The following COL6A1 variants were observed in gnomAD, a reference collection of about 807,000 sequenced individuals.
The protein encoded by COL6A1 is collagen alpha-1(VI) chain.
In COL6A1, 80 loss-of-function variants were observed where a neutral mutation model predicts 145.6. The ratio of observed to expected loss-of-function variants is 0.55; its 90% confidence interval spans 0.46 to 0.66. The LOEUF (loss-of-function observed/expected upper bound fraction) is 0.66. COL6A1 is among the 30% of genes least tolerant of loss of function. The probability of loss-of-function intolerance (pLI) is 0.00; values close to 1 mark genes in which losing one functional copy is unlikely to be tolerated. For missense variants in COL6A1, 1,364 were observed against 1,473.8 expected (o/e 0.93, Z 1.22); for synonymous variants, 638 against 622.8 (o/e 1.02, Z -0.36).
chr21:46,003,550 T>C lies in COL6A1; in HGVS notation c.2624T>C (p.Val875Ala), dbSNP rs2077861859. The C allele has an allele frequency of 6.2e-7, 1 of 1,612,014 alleles. No individual in the cohort carries two copies. The highest frequency in any genetic ancestry group is 2.2e-5 in the East Asian group (1 of 44,830). ...TDPAHDVRVA[V>A]VQYSGTGQQR... ...CCCGCCCACGACGTGCGGGTGGCGG[T>C]GGTGCAGTACAGCGGCACGGGCCAG... The change falls in exon 35 of 35, where the codon GTG becomes GCG. Residue 875 changes from valine (V) to alanine (A), a missense_variant. Physicochemically the swap from Val to Ala is moderately conservative, Grantham distance 64. Transcript: ENST00000361866.
intron 20 of COL6A1, among the ~76,000 whole-genome samples, chr21:45,996,258 C>G (rs2077804036): frequency 6.6e-6 from 1 of 152,246 alleles, no homozygotes; most frequent in African/African-American, 2.4e-5. Context: ...GGGTACCAGA[C>G]TAACCCCTGT....
intron 9 of COL6A1, among the ~76,000 whole-genome samples, 194 bp downstream of exon 9, chr21:45,989,331 C>T (rs2077760528): frequency 6.6e-6 from 1 of 152,206 alleles, no homozygotes; most frequent in South Asian, 2.1e-4. Flanking sequence ...GCCCGTAAGC[C>T]CCCCTGCCAG....
chr21:45,996,218 C>T (rs1176087815), intron 20 of COL6A1, among the ~76,000 whole-genome samples: 1 of 152,364 alleles, frequency 6.6e-6, no homozygotes, highest in Middle Eastern at 3.4e-3. Flanking sequence ...CCTCCTGGCC[C>T]CCTTTTCGTG....
chr21:45,993,638 G>C (rs956714305), intron 19 of COL6A1, among the ~76,000 whole-genome samples: 5 of 152,296 alleles, frequency 3.3e-5, no homozygotes, highest in East Asian at 3.9e-4. Flanking sequence ...GCTCCCCAGT[G>C]GGGGGTGGGG....
chr21:46,003,785 T>C lies in COL6A1; in HGVS notation c.2859T>C (p.Ala953=). ...GCAACTCGCAGGGCGCCACGCCCGC[T>C]GCCATCGAGAAGGCCGTGCAGGAAG... The part of the protein sequence containing the change: ...SDGNSQGATP[A]AIEKAVQEAQ... The change falls in exon 35 of 35, where the codon GCT becomes GCC. Residue 953 remains alanine (A), a synonymous_variant. Transcript: ENST00000361866. 1 of 1,611,594 alleles carries C rather than the reference T, an allele frequency of 6.2e-7. No homozygotes were observed. Among genetic ancestry groups the C allele is most frequent in the Non-Finnish European group, 8.5e-7 (1 of 1,178,856 alleles).
chr21:45,987,372 C>T lies in COL6A1; in HGVS notation c.739-127C>T. On this transcript the variant is annotated intron_variant, in intron 6 of 34. Transcript: ENST00000361866. The stretch of plus-strand genomic sequence containing the variant: ...TGTGTGTCTGCCCATGTGCCTGGGA[C>T]ATGTGTCCGCCTGTGCGTCCATCCG... 2.7e-6 allele frequency: 4 copies of T among 1,497,274 alleles called. 1 individual carries two copies. In the South Asian group the frequency reaches 3.4e-5, roughly 13 times the overall value. The allele number at this position is 1,497,274 out of a possible 1,614,324, so 92.7% of individuals were successfully genotyped here.
In COL6A1 at chr21:45,985,529, G is replaced by A. The variant is rs2077734556; in HGVS notation, c.429-997G>A. Among the ~76,000 whole-genome samples the A allele has an allele frequency of 2.6e-5, 4 of 152,320 alleles. No individual in the cohort carries two copies. In the South Asian group the frequency reaches 6.2e-4, roughly 24 times the overall value. The stretch of plus-strand genomic sequence containing the variant: ...TCACTGAAACAGACTCATCAGACCC[G>A]AAGCATGCGCTTTCTCGGGGTTTTT... On this transcript the variant is annotated intron_variant, in intron 3 of 34. Coordinates refer to ENST00000361866, the MANE Select transcript of COL6A1 (RefSeq NM_001848.3).
intron 2 of COL6A1, among the ~76,000 whole-genome samples, chr21:45,983,032 G>C (rs1034325909): frequency 6.7e-6 from 1 of 149,516 alleles, no homozygotes; most frequent in South Asian, 2.1e-4. Flanking sequence ...TGTTCAGCAG[G>C]GCCGAGGTGA....
At chr21:45,991,545 C>A (rs571497184) in intron 15 of COL6A1, among the ~76,000 whole-genome samples, 3 of 152,154 alleles carry the variant, frequency 2.0e-5, no homozygotes, top group African/African-American at 4.8e-5. Flanking sequence ...CTGAGTCTGC[C>A]GTTGCTGGTG....
At chr21:45,995,522 T>TG (rs2077800032) in intron 20 of COL6A1, among the ~76,000 whole-genome samples, 1 of 152,202 alleles carries the variant, frequency 6.6e-6, no homozygotes, top group Non-Finnish European at 1.5e-5. Flanking sequence ...GGCCAGGACT[T>TG]GCTCGGAGAA....
chr21:45,990,017 ACCCTCTGCGGAGCCGGGGGTCCCCCGGG>A (rs1569518169), intron 11 of COL6A1, among the ~76,000 whole-genome samples: 2 of 11,090 alleles, frequency 1.8e-4, no homozygotes, highest in Non-Finnish European at 4.0e-4. Context: ...CCGGGCGGTT[ACCCTCTGCGGAGCCGGGGGTCCCCCGGG>A]CGGTTACCCT....
chr21:45,994,337 T>A lies in COL6A1; in HGVS notation c.1398+108T>A. 9.0e-7 allele frequency: 1 copy of A among 1,115,986 alleles called. No homozygotes were observed. Among genetic ancestry groups the A allele is most frequent in the Non-Finnish European group, 1.3e-6 (1 of 753,376 alleles). The allele number at this position is 1,115,986 out of a possible 1,614,324, so 69.1% of individuals were successfully genotyped here. On this transcript the variant is annotated intron_variant, in intron 20 of 34. Coordinates refer to ENST00000361866, the MANE Select transcript of COL6A1 (RefSeq NM_001848.3). This position sits in a 1 kb window ranked among gnomAD's most constrained non-coding sequence, Gnocchi z 6.8. ...GTCTGTTCATTTCCGTTTGAGGGCC[T>A]CTGTGTTTCCGTAGATCTCGGGGGT...
chr21:46,003,175 G>T (rs368106868), intron 34 of COL6A1, 26 bp downstream of exon 34: 1 of 1,613,836 alleles, frequency 6.2e-7, no homozygotes, highest in South Asian at 1.1e-5. Flanking sequence ...GCCGGGACAC[G>T]TGGGGAGGAG....
At position 46,004,180 on chromosome 21, in the gene COL6A1, G is replaced by T; in HGVS notation, c.*167G>T. The T allele has an allele frequency of 2.2e-6, 2 of 929,858 alleles. No individual in the cohort carries two copies. The highest frequency in any genetic ancestry group is 3.2e-6 in the Non-Finnish European group (2 of 624,720). The allele number at this position is 929,858 out of a possible 1,614,324, so 57.6% of individuals were successfully genotyped here. A position where few individuals can be genotyped will look rare whatever the true frequency, so the allele number is the denominator to read the frequency against. On this transcript the variant is annotated 3_prime_UTR_variant, in exon 35 of 35. Coordinates refer to ENST00000361866, the MANE Select transcript of COL6A1 (RefSeq NM_001848.3). ...CAACGCTGCTGCCTGCTTTGTGCAG[G>T]GTCCTCCGGGGCTCAGCCCTGAGTT...
rs2077708382 is a variant in COL6A1, at chr21:45,981,800, G to C, written c.-51G>C. 7.1e-7 allele frequency: 1 copy of C among 1,411,404 alleles called. No individual in the cohort carries two copies. The highest frequency in any genetic ancestry group is 1.5e-5 in the African/African-American group (1 of 67,030). The allele number at this position is 1,411,404 out of a possible 1,614,324, so 87.4% of individuals were successfully genotyped here. On this transcript the variant is annotated 5_prime_UTR_variant, in exon 1 of 35. Coordinates refer to ENST00000361866, the MANE Select transcript of COL6A1 (RefSeq NM_001848.3). ...GCAGCCTCGGTCTCTGGGCGGCGGC[G>C]GCGGCCCACTCTGCCCTGGCCGCGC...
At chr21:45,998,990 C>G in intron 25 of COL6A1, 31 bp downstream of exon 25, 2 of 1,550,400 alleles carry the variant, frequency 1.3e-6, no homozygotes, top group Non-Finnish European at 1.7e-6. Flanking sequence ...GGGCCAGCCC[C>G]AAGTCCACCT....
chr21:45,996,749 C>A (rs1261630758), intron 20 of COL6A1, among the ~76,000 whole-genome samples: 1 of 152,164 alleles, frequency 6.6e-6, no homozygotes, highest in African/African-American at 2.4e-5. Context: ...GGCAGGGACT[C>A]GCCGCTGGAG....
At chr21:45,982,034 T>A in intron 1 of COL6A1, 87 bp downstream of exon 1, 1 of 1,092,436 alleles carries the variant, frequency 9.2e-7, no homozygotes, top group Non-Finnish European at 1.4e-6. Flanking sequence ...CTCCCACGCG[T>A]GGAACTGCAG....
chr21:45,986,398 A>G, intron 3 of COL6A1, 128 bp from the exon 4 acceptor site: 1 of 865,930 alleles, frequency 1.2e-6, no homozygotes, highest in Non-Finnish European at 1.9e-6. Context: ...CCCACCGTAT[A>G]GCCAGGATCA....
Sources: gnomAD v4.1 joint callset for allele counts (sites outside exome capture counted in the v4.1 genomes callset) on GRCh38, gnomAD v4.1.1 for gene constraint, Gnocchi (gnomAD v3.1) non-coding constraint, MANE v1.5 for transcripts, NCBI Gene and HGNC (gene_info 2026-07-23, HGNC 2026-07-21) for gene names.